Variants in ELMO2 observed in about 807,000 individuals in gnomAD.
ELMO2 encodes the protein engulfment and cell motility protein 2.
A neutral mutation model predicts 96.2 loss-of-function variants in ELMO2; 37 were observed. The ratio of observed to expected loss-of-function variants is 0.38; its 90% CI spans 0.30 to 0.51. The LOEUF (loss-of-function observed/expected upper bound fraction) is 0.51, where lower values mean the gene tolerates loss of function less well. ELMO2 is among the 20% of genes least tolerant of loss of function. ELMO2 has a pLI of 0.88. For synonymous variants in ELMO2, 315 were observed against 329.4 expected (o/e 0.96, Z 0.47); for missense variants, 561 against 912.6 (o/e 0.61, Z 4.96).
chr20:46,368,146 G>A (rs2059623016), intron 21 of ELMO2, among the ~76,000 whole-genome samples: 1 of 152,142 alleles, frequency 6.6e-6, no homozygotes, highest in Middle Eastern at 3.4e-3. Context: ...TGCTCACCTG[G>A]TTCCCCACTT....
At position 46,374,650 on chromosome 20, in the gene ELMO2, TAA is replaced by T. The variant is rs757061929; in HGVS notation, c.1066-12_1066-11del. ...CTGGATTGATGTGGTTCTAGAGAAA[TAA>T]AGACACCCAATTTGAGATGCGGCAG... On this transcript the variant is annotated splice_polypyrimidine_tract_variant and intron_variant, in intron 13 of 21. Transcript: ENST00000290246. 7 of 1,613,052 alleles carry T rather than the reference TAA, an allele frequency of 4.3e-6. No homozygotes were observed. The highest frequency in any genetic ancestry group is 3.3e-5 in the Admixed American group (2 of 59,972).
At position 46,366,278 on chromosome 20, in the gene ELMO2, C is replaced by A. The variant is rs1294753290; in HGVS notation, c.*1082G>T. 1 of 152,656 alleles carries A rather than the reference C, an allele frequency of 6.6e-6. No homozygotes were observed. The highest frequency in any genetic ancestry group is 1.5e-5 in the Non-Finnish European group (1 of 68,048). The allele number at this position is 152,656 out of a possible 1,614,324, so 9.5% of individuals were successfully genotyped here. On this transcript the variant is annotated 3_prime_UTR_variant, in exon 22 of 22. Transcript: ENST00000290246. ...TAATGAAAATATATAGTACACTCTT[C>A]ATTGGGTAGTACCTACCATGCCAGG... is the stretch of plus-strand genomic sequence containing the variant.
At chr20:46,400,600 A>T (rs1395467383) in intron 1 of ELMO2, among the ~76,000 whole-genome samples, 1 of 152,118 alleles carries the variant, frequency 6.6e-6, no homozygotes, top group Non-Finnish European at 1.5e-5. Context: ...TCTACCTTCC[A>T]CTCCTCTTTA....
At chr20:46,374,291 G>T in intron 15 of ELMO2, 41 bp downstream of exon 15, 1 of 1,532,538 alleles carries the variant, frequency 6.5e-7, no homozygotes. Flanking sequence ...AGCTCTTGAT[G>T]ACAAGGAATG....
intron 20 of ELMO2, chr20:46,370,236 G>C (rs998267965): frequency 2.9e-6 from 2 of 680,120 alleles, no homozygotes; most frequent in Non-Finnish European, 5.4e-6. Context: ...AGAGAAACAA[G>C]TGGATGGGCA....
chr20:46,386,713 A>G (rs2145818759), intron 8 of ELMO2, among the ~76,000 whole-genome samples: 1 of 152,296 alleles, frequency 6.6e-6, no homozygotes, highest in South Asian at 2.1e-4. Context: ...AGTCCCCATT[A>G]TAATATCCTT....
chr20:46,393,426 A>G (rs1479018401), intron 5 of ELMO2, 103 bp downstream of exon 5: 29 of 1,289,016 alleles, frequency 2.2e-5, no homozygotes, highest in African/African-American at 2.9e-5. Flanking sequence ...TACCCAACAC[A>G]TGGAAGCTAC....
At chr20:46,392,049 CCAT>C (rs2060159742) in intron 6 of ELMO2, among the ~76,000 whole-genome samples, 1 of 152,228 alleles carries the variant, frequency 6.6e-6, no homozygotes, top group Non-Finnish European at 1.5e-5. Context: ...GGCCTCCCCA[CCAT>C]AACTTTTTTG....
At position 46,386,147 on chromosome 20, in the gene ELMO2, T is replaced by A. The variant is rs1026863091; in HGVS notation, c.654A>T (p.Gly218=). 4 of 1,614,012 alleles carry A rather than the reference T, an allele frequency of 2.5e-6. No homozygotes were observed. In the African/African-American group the frequency reaches 5.3e-5, roughly 22 times the overall value. The change falls in exon 9 of 22, where the codon GGA becomes GGT. Residue 218 remains glycine, a synonymous_variant. Transcript: ENST00000290246. ...YQKIAEEITV[G]QLISHLQVSN... is the part of the protein sequence containing the mutation. Reference sequence around the variant, plus strand: ...ACACCTGGAGGTGTGAGATGAGCTGTCCCACGGTGATTTCCTCGGCTATCT... The same window carrying A: ...ACACCTGGAGGTGTGAGATGAGCTGACCCACGGTGATTTCCTCGGCTATCT...
At chr20:46,387,719 T>G (rs868195517) in intron 7 of ELMO2, 17 of 315,770 alleles carry the variant, frequency 5.4e-5, no homozygotes, top group Admixed American at 3.4e-4. Context: ...ATCACTTATC[T>G]ATTTCCCAAG....
intron 11 of ELMO2, among the ~76,000 whole-genome samples, chr20:46,378,087 C>T (rs2059896359): frequency 6.6e-6 from 1 of 152,322 alleles, no homozygotes; most frequent in South Asian, 2.1e-4. Context: ...GATTTTCATT[C>T]TCTTTAATTC....
At chr20:46,382,621 C>T (rs998382558) in intron 10 of ELMO2, among the ~76,000 whole-genome samples, 12 of 152,214 alleles carry the variant, frequency 7.9e-5, no homozygotes, top group African/African-American at 2.9e-4. Context: ...AAACACTTGT[C>T]CAGCCAGCAG....
At chr20:46,382,961 C>T (rs888474302) in intron 10 of ELMO2, among the ~76,000 whole-genome samples, 1 of 152,196 alleles carries the variant, frequency 6.6e-6, no homozygotes, top group Non-Finnish European at 1.5e-5. Flanking sequence ...CACAGGGTCT[C>T]CTCTTCCTTA....
chr20:46,387,882 T>G (rs1165320775), intron 7 of ELMO2: 1 of 153,542 alleles, frequency 6.5e-6, no homozygotes, highest in African/African-American at 2.4e-5. Context: ...GCAAATTTTA[T>G]CTTTTCAAAA....
At chr20:46,369,252 C>T in intron 20 of ELMO2, 1 of 323,940 alleles carries the variant, frequency 3.1e-6, no homozygotes, top group East Asian at 5.4e-5. Context: ...GGTCACGATC[C>T]ATGACTGTAA....
At chr20:46,370,110 A>G (rs2059671184) in intron 20 of ELMO2, 2 of 422,860 alleles carry the variant, frequency 4.7e-6, no homozygotes, top group South Asian at 3.7e-5. Context: ...AACTACTTTC[A>G]TTTCCTGTTA....
chr20:46,387,029 C>T (rs1751054468), intron 8 of ELMO2, among the ~76,000 whole-genome samples: 2 of 152,128 alleles, frequency 1.3e-5, no homozygotes, highest in Admixed American at 6.5e-5. Context: ...CTCAGGAAGT[C>T]GGTCAAAAGA....
chr20:46,373,961 A>C, intron 15 of ELMO2, among the ~76,000 whole-genome samples: 2 of 138,006 alleles, frequency 1.4e-5, no homozygotes, highest in African/African-American at 2.7e-5. Context: ...ATAGAGTCTC[A>C]CTCTGTCGCC....
Position 46,383,612 on chromosome 20 carries a change from A to C in ELMO2, c.678-118T>G. 12 of 992,074 alleles carry C rather than the reference A, an allele frequency of 1.2e-5. No individual in the cohort carries two copies. The South Asian group carries it at 1.6e-4, about 13-fold the overall frequency. 61.5% of individuals were successfully genotyped at this position (992,074 alleles called of 1,614,324 possible). On this transcript the variant is annotated intron_variant, in intron 9 of 21. Transcript: ENST00000290246. ...ATAAGCAAATAATGATCTGGAGCTC[A>C]GTCTCAAAAGCATTCAAAGTGGGCA...
Sources: gnomAD v4.1 joint callset for allele counts (sites outside exome capture counted in the v4.1 genomes callset) on GRCh38, gnomAD v4.1.1 for gene constraint, MANE v1.5 for transcripts, NCBI Gene and HGNC (gene_info 2026-07-23, HGNC 2026-07-21) for gene names.